UBAP1: variants seen among roughly 807,000 people sequenced by gnomAD.
UBAP1 encodes ubiquitin-associated protein 1.
In UBAP1, 5 loss-of-function variants were observed where a neutral mutation model predicts 39.0. That is an observed-to-expected ratio of 0.13 (90% CI 0.07 to 0.27). The LOEUF (loss-of-function observed/expected upper bound fraction) is 0.27. UBAP1 is among the 10% of genes least tolerant of loss of function. UBAP1 has a pLI of 1.00. For synonymous variants in UBAP1, 211 were observed against 225.1 expected (o/e 0.94, Z 0.56); for missense variants, 490 against 608.1 (o/e 0.81, Z 2.04).
rs1289475088 is a variant in UBAP1, at chr9:34,249,881, G to A, written c.1186G>A (p.Val396Met). 1.2e-6 allele frequency: 2 copies of A among 1,614,218 alleles called. No individual in the cohort carries two copies. Among genetic ancestry groups the A allele is most frequent in the Admixed American group, 1.7e-5 (1 of 60,024 alleles). The change falls in exon 5 of 7, where the codon GTG becomes ATG. Residue 396 changes from valine (V) to methionine (M), a missense_variant. Physicochemically the swap from Val to Met is conservative, Grantham distance 21. This residue lies in a region of UBAP1 where 339 missense variants were observed against 390.0 expected (regional missense o/e 0.87). Transcript: ENST00000297661. Reference protein sequence around the residue: ...QMLSPSERQCVETVVNMGYSY... With the variant: ...QMLSPSERQCMETVVNMGYSY... Reference sequence around the variant, plus strand: ...GCTGTCCCCCAGCGAGCGGCAGTGTGTGGAGACGGTGGTCAACATGGGCTA... The same window carrying A: ...GCTGTCCCCCAGCGAGCGGCAGTGTATGGAGACGGTGGTCAACATGGGCTA...
At chr9:34,233,156 G>A (rs1344569625) in intron 2 of UBAP1, among the ~76,000 whole-genome samples, 1 of 151,652 alleles carries the variant, frequency 6.6e-6, no homozygotes, top group Admixed American at 6.6e-5. Context: ...TGTAAGTGTT[G>A]TGCTGCTTAA....
intron 2 of UBAP1, among the ~76,000 whole-genome samples, chr9:34,224,932 G>A (rs1178349934): frequency 6.6e-6 from 1 of 152,206 alleles, no homozygotes; most frequent in Non-Finnish European, 1.5e-5. Flanking sequence ...TGGCCTAATA[G>A]TGTAGAGTAC....
chr9:34,238,414 A>C (rs1157641541), intron 3 of UBAP1, among the ~76,000 whole-genome samples: 2 of 152,184 alleles, frequency 1.3e-5, no homozygotes, highest in East Asian at 3.8e-4. Context: ...TAGTAACTCT[A>C]TGTTTAACAT....
chr9:34,201,034 C>G (rs931468263), intron 1 of UBAP1, among the ~76,000 whole-genome samples: 1 of 152,022 alleles, frequency 6.6e-6, no homozygotes, highest in Non-Finnish European at 1.5e-5. Flanking sequence ...CTCAGCCTCC[C>G]GAGTGAGTAG....
intron 1 of UBAP1, among the ~76,000 whole-genome samples, chr9:34,211,754 C>T (rs903717577): frequency 3.3e-5 from 5 of 152,240 alleles, no homozygotes; most frequent in Middle Eastern, 6.8e-3. Context: ...CCCATCTCTT[C>T]TTCTTTCATT....
chr9:34,202,093 A>C (rs1222628430), intron 1 of UBAP1, among the ~76,000 whole-genome samples: 1 of 152,026 alleles, frequency 6.6e-6, no homozygotes, highest in African/African-American at 2.4e-5. Flanking sequence ...AAGCTCTCCA[A>C]ATCCAGTCCT....
Position 34,249,838 on chromosome 9 carries a change from C to T in UBAP1, c.1143C>T (p.Ala381=), listed in dbSNP as rs756320145. ...QVPNMPSCPQ[A]YSELQMLSPS... is the part of the protein sequence containing the mutation. ...CCAACATGCCCAGCTGTCCCCAGGC[C>T]TATTCTGAACTGCAGATGCTGTCCC... Residue 381 remains alanine, a synonymous_variant, in exon 5 of 7, where the codon GCC becomes GCT. Coordinates refer to ENST00000297661, the MANE Select transcript of UBAP1 (RefSeq NM_016525.5). 1.9e-6 allele frequency: 3 copies of T among 1,614,100 alleles called. No individual in the cohort carries two copies. The African/African-American group carries it at 4.0e-5, about 22-fold the overall frequency.
chr9:34,242,171 CTTG>C (rs1014341737), intron 4 of UBAP1, 63 bp downstream of exon 4: 3 of 1,488,350 alleles, frequency 2.0e-6, no homozygotes, highest in Admixed American at 2.2e-5. Context: ...TATGTTTTTT[CTTG>C]TTGTTTGGTT....
At chr9:34,196,847 T>A (rs1174308636) in intron 1 of UBAP1, among the ~76,000 whole-genome samples, 1 of 151,976 alleles carries the variant, frequency 6.6e-6, no homozygotes, top group Non-Finnish European at 1.5e-5. Context: ...TTTTTATTAT[T>A]TGTTTCTTTG....
rs1049557 is a variant in UBAP1 at position 34,251,945 on chromosome 9, G to C, written c.*413G>C. On this transcript the variant is annotated 3_prime_UTR_variant, in exon 7 of 7. Transcript: ENST00000297661. ...GAGCTAGGTGCTTCCCCCTTCCCCT[G>C]AGACTGGTGGACTGAACTCCAGTCA... 55,415 of 162,748 alleles carry C rather than the reference G, an allele frequency of 0.34. 10,392 individuals are homozygous for C. Among genetic ancestry groups the C allele is most frequent in the East Asian group, 0.72 (4,061 of 5,608 alleles). The allele number at this position is 162,748 out of a possible 1,614,324, so 10.1% of individuals were successfully genotyped here.
At chr9:34,202,167 C>T (rs1831409200) in intron 1 of UBAP1, among the ~76,000 whole-genome samples, 2 of 152,010 alleles carry the variant, frequency 1.3e-5, no homozygotes, top group African/African-American at 2.4e-5. Context: ...GAGTGGGAGT[C>T]TCCGTCTTTT....
chr9:34,227,548 G>A (rs1833169737), intron 2 of UBAP1, among the ~76,000 whole-genome samples: 2 of 152,182 alleles, frequency 1.3e-5, no homozygotes, highest in Admixed American at 1.3e-4. Flanking sequence ...CGGGCAGATT[G>A]CAGAATCATA....
intron 2 of UBAP1, among the ~76,000 whole-genome samples, 195 bp from the exon 3 acceptor site, chr9:34,234,021 C>G (rs922338183): frequency 1.3e-5 from 2 of 152,076 alleles, no homozygotes; most frequent in Admixed American, 6.6e-5. Context: ...AAATAAACTC[C>G]TAATAAGACT....
intron 4 of UBAP1, among the ~76,000 whole-genome samples, chr9:34,243,771 T>G (rs1834080839): frequency 6.6e-6 from 1 of 151,900 alleles, no homozygotes; most frequent in Non-Finnish European, 1.5e-5. Context: ...ATTACAGGTG[T>G]GAGCCACAGT....
intron 1 of UBAP1, among the ~76,000 whole-genome samples, chr9:34,187,445 A>G (rs917232749): frequency 1.3e-5 from 2 of 152,216 alleles, no homozygotes; most frequent in African/African-American, 4.8e-5. Context: ...TGGGTTTCAT[A>G]CATTGTCCAA....
chr9:34,228,384 C>G (rs12347234), intron 2 of UBAP1, among the ~76,000 whole-genome samples: 3,947 of 147,910 alleles, frequency 0.027, 180 homozygotes, highest in African/African-American at 0.094. Flanking sequence ...TGCCACTGCA[C>G]TCCAGCCTGG....
chr9:34,192,515 CAAAAAAAA>C (rs4008753), intron 1 of UBAP1, among the ~76,000 whole-genome samples: 20 of 107,478 alleles, frequency 1.9e-4, no homozygotes, highest in East Asian at 2.4e-4. Context: ...GACTCCATCT[CAAAAAAAA>C]AAAAAAAAAA....
At chr9:34,226,131 G>GTGTT (rs1299507273) in intron 2 of UBAP1, among the ~76,000 whole-genome samples, 1 of 143,604 alleles carries the variant, frequency 7.0e-6, no homozygotes, top group African/African-American at 2.7e-5. Context: ...GTGTGTGTGT[G>GTGTT]TGTGTGTGTG....
chr9:34,195,810 T>C (rs1053919736), intron 1 of UBAP1, among the ~76,000 whole-genome samples: 1 of 151,814 alleles, frequency 6.6e-6, no homozygotes, highest in African/African-American at 2.4e-5. Context: ...TTGGTCAGGC[T>C]GGTCTCGAAC....
Sources: allele counts gnomAD v4.1 joint callset (sites outside exome capture counted in the v4.1 genomes callset), GRCh38; gene constraint gnomAD v4.1.1; regional missense constraint gnomAD v4.1.1; transcripts MANE v1.5; gene names NCBI Gene and HGNC (gene_info 2026-07-23, HGNC 2026-07-21).